The following PROCA1 variants were observed in gnomAD, a reference collection of about 807,000 sequenced individuals.
The protein encoded by PROCA1 is protein interacting with cyclin A1.
In PROCA1, 22 loss-of-function variants were observed where a neutral mutation model predicts 23.2. The ratio of observed to expected loss-of-function variants is 0.95; its 90% CI spans 0.68 to 1.35. The LOEUF is 1.35. Among genes scored for constraint, PROCA1 ranks in the 40% most tolerant of loss-of-function variants. PROCA1 has a pLI of 0.00. For missense variants in PROCA1, 469 were observed against 459.8 expected (o/e 1.02, Z -0.18); for synonymous variants, 182 against 179.2 (o/e 1.02, Z -0.12).
rs1240121519 is a variant in PROCA1, at chr17:28,711,621, T to C, written c.40A>G (p.Lys14Glu). ...RTTLTIERWT[K>E]EKTEPKARSW... is the part of the protein sequence containing the mutation. ...CGGGCCTTGGGCTCGGTCTTTTCCT[T>C]AGTCCATCTTTCAATTGTGAGCGTC... The change falls in exon 1 of 5, where the codon AAG becomes GAG. Residue 14 changes from lysine to glutamate, a missense_variant. Coordinates refer to ENST00000682792, the MANE Select transcript of PROCA1 (RefSeq NM_001366301.1). The C allele has an allele frequency of 6.2e-7, 1 of 1,612,476 alleles. No homozygotes were observed. The highest frequency in any genetic ancestry group is 1.3e-5 in the African/African-American group (1 of 74,854).
In PROCA1 at chr17:28,711,715, G is replaced by A; in HGVS notation, c.-55C>T. The A allele has an allele frequency of 6.5e-7, 1 of 1,529,014 alleles. No homozygotes were observed. Among genetic ancestry groups the A allele is most frequent in the Non-Finnish European group, 8.9e-7 (1 of 1,120,332 alleles). 94.7% of individuals were successfully genotyped at this position (1,529,014 alleles called of 1,614,324 possible). On this transcript the variant is annotated 5_prime_UTR_variant, in exon 1 of 5. An upstream open reading frame in the 5' UTR gains an earlier in-frame stop. Transcript: ENST00000682792. ...GGACTCTTGCGTGAAGTCCAACCCT[G>A]AGCCTCAGCCCGGCCGAGCCCTCGG...
rs893272296 is a variant in PROCA1, at chr17:28,703,766, C to A, written c.887G>T (p.Ser296Ile). The change falls in exon 5 of 5, where the codon AGC (serine) becomes ATC (isoleucine). Residue 296 changes from serine (S) to isoleucine (I), a missense_variant. Coordinates refer to ENST00000682792, the MANE Select transcript of PROCA1 (RefSeq NM_001366301.1). Reference sequence around the variant, plus strand: ...CTCCAGCTCTTCCCGGCTTTCTGGGCTGGACTCGGACATCCTGGCCAGCTG... The same window carrying A: ...CTCCAGCTCTTCCCGGCTTTCTGGGATGGACTCGGACATCCTGGCCAGCTG... Reference protein sequence around the residue: ...ARQLARMSESSPESREELESE... With the variant: ...ARQLARMSESIPESREELESE... The A allele has an allele frequency of 3.7e-6, 6 of 1,614,156 alleles. No individual in the cohort carries two copies. The South Asian group carries it at 5.5e-5, about 15-fold the overall frequency.
In PROCA1 at chr17:28,703,533, A is replaced by C; in HGVS notation, c.*25T>G. 1.2e-6 allele frequency: 2 copies of C among 1,601,548 alleles called. No homozygotes were observed. Among genetic ancestry groups the C allele is most frequent in the Non-Finnish European group, 8.5e-7 (1 of 1,173,764 alleles). ...GCCAGCCACAGGCTCGATGGCATTT[A>C]TTCTGCACCCTGACCACCCTGGCCT... On this transcript the variant is annotated 3_prime_UTR_variant, in exon 5 of 5. Transcript: ENST00000682792.
intron 1 of PROCA1, among the ~76,000 whole-genome samples, chr17:28,709,535 G>T (rs900424667): frequency 2.0e-5 from 3 of 151,960 alleles, no homozygotes; most frequent in South Asian, 2.1e-4. Flanking sequence ...GATTACAGGC[G>T]TGAGCCACCG....
rs769173190 is a variant in PROCA1, at chr17:28,704,376, T to G, written c.371A>C (p.His124Pro). 8 of 1,614,016 alleles carry G rather than the reference T, an allele frequency of 5.0e-6. No individual in the cohort carries two copies. The Admixed American group carries it at 1.2e-4, about 24-fold the overall frequency. Residue 124 changes from histidine to proline, a missense_variant, in exon 4 of 5, where the codon CAT (histidine) becomes CCT (proline). Physicochemically the swap from His to Pro is moderately conservative, Grantham distance 77 (BLOSUM62 -2). Coordinates refer to ENST00000682792, the MANE Select transcript of PROCA1 (RefSeq NM_001366301.1). Reference protein sequence around the residue: ...SSRGAGPTCSHVIESPCFELT... With the variant: ...SSRGAGPTCSPVIESPCFELT... ...CTCAAAGCAAGGGGACTCGATGACA[T>G]GGGAGCAGGTTGGGCCCGCGCCCCG... is the stretch of plus-strand genomic sequence containing the variant.
intron 2 of PROCA1, 134 bp from the exon 3 acceptor site, chr17:28,704,977 G>A: frequency 4.9e-6 from 4 of 808,706 alleles, no homozygotes; most frequent in Non-Finnish European, 7.7e-6. Context: ...TGCTTCAGTA[G>A]TAGTAACTTG....
At position 28,704,078 on chromosome 17, in the gene PROCA1, C is replaced by T; in HGVS notation, c.575G>A (p.Gly192Glu). The change falls in exon 5 of 5, where the codon GGG (glycine) becomes GAG (glutamate). Residue 192 changes from glycine (G) to glutamate (E), a missense_variant. By Grantham distance (98) the Gly-to-Glu change is moderately conservative. Transcript: ENST00000682792. ...TAGGTCAGGGGAGGCGGTGGCGGGC[C>T]CCACCTGTGTCGGGATGGGGGGCTT... ...ESKPPIPTQV[G>E]PATASPDLGT... 1 of 1,595,294 alleles carries T rather than the reference C, an allele frequency of 6.3e-7. No individual in the cohort carries two copies. The highest frequency in any genetic ancestry group is 8.5e-7 in the Non-Finnish European group (1 of 1,174,000).
intron 1 of PROCA1, 99 bp downstream of exon 1, chr17:28,711,471 C>A: frequency 9.9e-7 from 1 of 1,012,168 alleles, no homozygotes; most frequent in Admixed American, 2.8e-5. Flanking sequence ...CGTTGGTTTG[C>A]CCGTCTCCCT....
chr17:28,705,210 G>A (rs1342989967), intron 2 of PROCA1: 1 of 228,764 alleles, frequency 4.4e-6, no homozygotes, highest in Non-Finnish European at 8.7e-6. Context: ...CTCCTGCTAT[G>A]GCACCCCACA....
At position 28,706,953 on chromosome 17, in the gene PROCA1, A is replaced by T. The variant is rs148143928; in HGVS notation, c.92-190T>A. The T allele has an allele frequency of 5.3e-3, 16 of 3,028 alleles. 3 individuals carry two copies. The highest frequency in any genetic ancestry group is 9.5e-3 in the Non-Finnish European group (15 of 1,582). 0.2% of individuals were successfully genotyped at this position (3,028 alleles called of 1,614,324 possible). On this transcript the variant is annotated intron_variant, in intron 1 of 4. Transcript: ENST00000682792. Reference sequence around the variant, plus strand: ...GGGGTGGGGCTATGAGGGGGAGGGGAGAGGGGGAGGGGAGAGGGACACGGG... The same window carrying T: ...GGGGTGGGGCTATGAGGGGGAGGGGTGAGGGGGAGGGGAGAGGGACACGGG...
Position 28,711,673 on chromosome 17 carries a change from A to G in PROCA1, c.-13T>C. On this transcript the variant is annotated 5_prime_UTR_variant, in exon 1 of 5. Transcript: ENST00000682792. ...TCCTGACCCACATCGCTCTCCGCCC[A>G]GGTCTTCGTCTCTACAGGACTCTTG... is the stretch of plus-strand genomic sequence containing the variant. 1 of 1,610,132 alleles carries G rather than the reference A, an allele frequency of 6.2e-7. No homozygotes were observed. Among genetic ancestry groups the G allele is most frequent in the East Asian group, 2.3e-5 (1 of 44,346 alleles).
At chr17:28,706,438 G>T in intron 2 of PROCA1, 1 of 233,842 alleles carries the variant, frequency 4.3e-6, no homozygotes, top group South Asian at 5.1e-5. Context: ...TTGTTGGGCG[G>T]ACTCAATTCA....
At chr17:28,709,992 G>A (rs1171135512) in intron 1 of PROCA1, among the ~76,000 whole-genome samples, 1 of 151,824 alleles carries the variant, frequency 6.6e-6, no homozygotes, top group African/African-American at 2.4e-5. Flanking sequence ...GTGAGACGGC[G>A]GGAAGGACAG....
chr17:28,711,167 TC>T, intron 1 of PROCA1: 2 of 1,171,274 alleles, frequency 1.7e-6, no homozygotes, highest in Non-Finnish European at 2.1e-6. Context: ...ACCCTCAGGG[TC>T]GATGGAACCG....
rs200021121 is a variant in PROCA1 at position 28,703,808 on chromosome 17, C to G, written c.845G>C (p.Arg282Pro). 166 of 1,614,050 alleles carry G rather than the reference C, an allele frequency of 1.0e-4. No homozygotes were observed. The highest frequency in any genetic ancestry group is 3.2e-4 in the Admixed American group (19 of 60,002). Reference sequence around the variant, plus strand: ...GGCCAGCTGTCTTGCGCTTAATGATCGGCTCACGTCTGGCGGGGAAGGCTC... The same window carrying G: ...GGCCAGCTGTCTTGCGCTTAATGATGGGCTCACGTCTGGCGGGGAAGGCTC... ...KLEPSPPDVS[R>P]SLSARQLARM... The change falls in exon 5 of 5, where the codon CGA becomes CCA. Residue 282 changes from arginine (R) to proline (P), a missense_variant. Arg to Pro is a moderately radical substitution (Grantham distance 103). Transcript: ENST00000682792.
chr17:28,711,688 C>T lies in PROCA1; in HGVS notation c.-28G>A, dbSNP rs779680923. On this transcript the variant is annotated 5_prime_UTR_variant, in exon 1 of 5. Transcript: ENST00000682792. ...CTCTCCGCCCAGGTCTTCGTCTCTA[C>T]AGGACTCTTGCGTGAAGTCCAACCC... 3.1e-6 allele frequency: 5 copies of T among 1,601,908 alleles called. No homozygotes were observed. In the South Asian group the frequency reaches 4.4e-5, roughly 14 times the overall value.
At chr17:28,710,227 G>A (rs1012020694) in intron 1 of PROCA1, among the ~76,000 whole-genome samples, 2 of 151,100 alleles carry the variant, frequency 1.3e-5, no homozygotes, top group Admixed American at 1.3e-4. Context: ...GGCCAGGCGC[G>A]GTGGCTCATG....
rs769329718 is a variant in PROCA1, at chr17:28,703,669, G to A, written c.984C>T (p.Pro328=). The A allele has an allele frequency of 4.3e-6, 7 of 1,614,000 alleles. No individual in the cohort carries two copies. Among genetic ancestry groups the A allele is most frequent in the Admixed American group, 3.3e-5 (2 of 59,998 alleles). Residue 328 remains proline, a synonymous_variant, in exon 5 of 5, where the codon CCC becomes CCT. Coordinates refer to ENST00000682792, the MANE Select transcript of PROCA1 (RefSeq NM_001366301.1). ...CCTGGACTGTGTTCTCTCTCTTCCT[G>A]GGCGATGATGATTCCACAATATCCT... ...SSEDIVESSS[P]RKRENTVQAK... is the part of the protein sequence containing the mutation.
At chr17:28,711,227 C>A (rs2032765883) in intron 1 of PROCA1, 4 of 1,027,472 alleles carry the variant, frequency 3.9e-6, no homozygotes, top group Non-Finnish European at 5.0e-6. Flanking sequence ...CGGGCTCCAG[C>A]CAAGGCCGGC....
Sources: allele counts gnomAD v4.1 joint callset (sites outside exome capture counted in the v4.1 genomes callset), GRCh38; gene constraint gnomAD v4.1.1; transcripts MANE v1.5; gene names NCBI Gene and HGNC (gene_info 2026-07-23, HGNC 2026-07-21).